Variants in SULF1 observed in about 807,000 individuals in gnomAD.
SULF1 encodes the protein sulfatase 1, also known as extracellular sulfatase Sulf-1.
SULF1 carries 46 observed loss-of-function variants against 110.5 expected under a neutral mutation model. The observed-to-expected ratio is 0.42, with a 90% CI of 0.33 to 0.53. The LOEUF is 0.53. Among genes scored for constraint, SULF1 ranks in the 20% least tolerant of loss-of-function variants. SULF1 has a pLI of 0.12. For missense variants in SULF1, 941 were observed against 1,094.2 expected, an observed-to-expected ratio of 0.86 and a Z score of 1.98; for synonymous variants, 371 against 387.1, an observed-to-expected ratio of 0.96 and a Z score of 0.49.
intron 22 of SULF1, among the ~76,000 whole-genome samples, chr8:69,651,912 T>C (rs780234874): frequency 1.2e-4 from 18 of 152,348 alleles, no homozygotes; most frequent in South Asian, 1.0e-3. Flanking sequence ...CACAAATTTA[T>C]TCTCTTGTGT....
intron 13 of SULF1, among the ~76,000 whole-genome samples, chr8:69,615,768 C>A (rs981063588): frequency 2.0e-5 from 3 of 152,166 alleles, no homozygotes; most frequent in Admixed American, 6.5e-5. Context: ...CATAGGAAAC[C>A]AACAAAGAAT....
chr8:69,508,106 A>AT (rs1219292891), intron 3 of SULF1, among the ~76,000 whole-genome samples: 3 of 133,396 alleles, frequency 2.2e-5, no homozygotes, highest in South Asian at 2.5e-4. Flanking sequence ...GAAGATAATT[A>AT]TTATTTTTTT....
chr8:69,515,333 C>A (rs1434585280), intron 3 of SULF1, among the ~76,000 whole-genome samples: 2 of 152,248 alleles, frequency 1.3e-5, no homozygotes, highest in African/African-American at 2.4e-5. Flanking sequence ...CTTGCATCCT[C>A]TGAAGCAATG....
intron 3 of SULF1, among the ~76,000 whole-genome samples, chr8:69,502,684 T>TC (rs1375437115): frequency 1.4e-5 from 2 of 142,572 alleles, no homozygotes; most frequent in African/African-American, 2.6e-5. Flanking sequence ...CTTTTTCTTT[T>TC]TTTTTCTTTT....
intron 3 of SULF1, among the ~76,000 whole-genome samples, chr8:69,544,037 T>C (rs928260771): frequency 6.6e-6 from 1 of 152,250 alleles, no homozygotes; most frequent in African/African-American, 2.4e-5. Flanking sequence ...ATTCATTTCA[T>C]GGTAGTTATG....
intron 1 of SULF1, among the ~76,000 whole-genome samples, chr8:69,478,081 T>C (rs1017831685): frequency 3.3e-5 from 5 of 152,102 alleles, no homozygotes; most frequent in African/African-American, 1.2e-4. Context: ...CTCAAACCGC[T>C]GGGCTAAAGC....
intron 3 of SULF1, among the ~76,000 whole-genome samples, chr8:69,529,597 A>G (rs1353664647): frequency 6.6e-6 from 1 of 152,152 alleles, no homozygotes; most frequent in Non-Finnish European, 1.5e-5. Context: ...ATCTTTTATG[A>G]GGTTGCAGCC....
chr8:69,614,905 G>A (rs1808963151), intron 13 of SULF1, among the ~76,000 whole-genome samples: 1 of 152,248 alleles, frequency 6.6e-6, no homozygotes, highest in African/African-American at 2.4e-5. Context: ...GGCACAGACT[G>A]ATAAATCAGA....
chr8:69,538,790 T>C (rs1426220315), intron 3 of SULF1, among the ~76,000 whole-genome samples: 1 of 152,134 alleles, frequency 6.6e-6, no homozygotes, highest in Admixed American at 6.5e-5. Flanking sequence ...CCTCCCAGAT[T>C]CAAGCAATTC....
intron 13 of SULF1, among the ~76,000 whole-genome samples, chr8:69,620,723 T>C (rs1461491335): frequency 6.6e-6 from 1 of 152,196 alleles, no homozygotes; most frequent in Non-Finnish European, 1.5e-5. Context: ...CTAACGGCTT[T>C]TACGTGTTTC....
chr8:69,607,751 A>G (rs1384624788), intron 13 of SULF1, among the ~76,000 whole-genome samples: 1 of 152,204 alleles, frequency 6.6e-6, no homozygotes, highest in Non-Finnish European at 1.5e-5. Context: ...TTTTGGCGAC[A>G]GTATCCCTGA....
chr8:69,580,908 A>G (rs1344821903), intron 6 of SULF1, among the ~76,000 whole-genome samples: 1 of 152,224 alleles, frequency 6.6e-6, no homozygotes, highest in Non-Finnish European at 1.5e-5. Flanking sequence ...TATGTTACTT[A>G]TAGCAAGTAT....
chr8:69,628,560 C>T (rs546001720), intron 18 of SULF1, among the ~76,000 whole-genome samples: 38 of 152,184 alleles, frequency 2.5e-4, no homozygotes, highest in Non-Finnish European at 4.6e-4. Flanking sequence ...GGGTTACAGA[C>T]TCTCTCGATG....
At chr8:69,635,744 C>A (rs1474628365) in intron 19 of SULF1, among the ~76,000 whole-genome samples, 4 of 152,152 alleles carry the variant, frequency 2.6e-5, no homozygotes, top group Non-Finnish European at 5.9e-5. Flanking sequence ...ATGGTGCATA[C>A]CTGTAGTCCC....
chr8:69,603,676 G>A lies in SULF1; in HGVS notation c.1247+20G>A, dbSNP rs766401566. 1.3e-6 allele frequency: 2 copies of A among 1,587,528 alleles called. No homozygotes were observed. The highest frequency in any genetic ancestry group is 2.2e-5 in the East Asian group (1 of 44,730). ...AAGAGGGTAATTATTGGTTCCTGGG[G>A]TGCTTCTGGGAACCAGTCCTAGTGG... On this transcript the variant is annotated intron_variant, in intron 12 of 22. Coordinates refer to ENST00000402687, the MANE Select transcript of SULF1 (RefSeq NM_001128205.2).
chr8:69,511,004 G>C (rs1449099078), intron 3 of SULF1, among the ~76,000 whole-genome samples: 1 of 148,534 alleles, frequency 6.7e-6, no homozygotes, highest in East Asian at 2.0e-4. Flanking sequence ...AATGTATCAG[G>C]TATTCTGTAG....
At chr8:69,598,236 C>T (rs1028335209) in intron 8 of SULF1, among the ~76,000 whole-genome samples, 1 of 151,966 alleles carries the variant, frequency 6.6e-6, no homozygotes, top group Non-Finnish European at 1.5e-5. Context: ...TTTTGGAATA[C>T]TGTGGATTTT....
chr8:69,526,231 A>G (rs1184088460), intron 3 of SULF1, among the ~76,000 whole-genome samples: 1 of 152,062 alleles, frequency 6.6e-6, no homozygotes, highest in African/African-American at 2.4e-5. Flanking sequence ...CCCCTCTCCT[A>G]TCCAGTCACA....
At chr8:69,538,233 C>G (rs1283516756) in intron 3 of SULF1, among the ~76,000 whole-genome samples, 1 of 132,022 alleles carries the variant, frequency 7.6e-6, no homozygotes, top group African/African-American at 2.9e-5. Flanking sequence ...AAAAAGCCTG[C>G]TTTTTGTTTT....
Sources: gnomAD v4.1 joint callset for allele counts (sites outside exome capture counted in the v4.1 genomes callset) on GRCh38, gnomAD v4.1.1 for gene constraint, MANE v1.5 for transcripts, NCBI Gene and HGNC (gene_info 2026-07-23, HGNC 2026-07-21) for gene names.